The following CTNNA1 variants were observed in gnomAD, a reference collection of about 807,000 sequenced individuals.
CTNNA1 encodes the protein catenin alpha-1.
In CTNNA1, 37 loss-of-function variants were observed where a neutral mutation model predicts 98.4. That is an observed-to-expected ratio of 0.38 (90% CI 0.29 to 0.49). The LOEUF (loss-of-function observed/expected upper bound fraction) is 0.49, where lower values mean the gene tolerates loss of function less well. Among genes scored for constraint, CTNNA1 ranks in the 20% least tolerant of loss-of-function variants. The pLI is 0.95. For synonymous variants in CTNNA1, 404 were observed against 413.2 expected (o/e 0.98, Z 0.27); for missense variants, 761 against 1,147.2 (o/e 0.66, Z 4.86).
At chr5:138,881,138 G>T in intron 7 of CTNNA1, 2 of 456,052 alleles carry the variant, frequency 4.4e-6, no homozygotes. Flanking sequence ...GAGCAGTGAG[G>T]TAAGACTGTC....
At chr5:138,783,674 C>T (rs1224381760) in intron 3 of CTNNA1, among the ~76,000 whole-genome samples, 1 of 152,136 alleles carries the variant, frequency 6.6e-6, no homozygotes, top group Non-Finnish European at 1.5e-5. Context: ...TTGGGTATTT[C>T]AAGTAATAGT....
At chr5:138,799,838 ATAAAT>A (rs1451717977) in intron 3 of CTNNA1, among the ~76,000 whole-genome samples, 2 of 150,984 alleles carry the variant, frequency 1.3e-5, no homozygotes, top group African/African-American at 2.4e-5. Context: ...GTGAGCTAAA[ATAAAT>A]TAGAGTAGAT....
At chr5:138,910,430 G>A (rs1760354745) in intron 10 of CTNNA1, among the ~76,000 whole-genome samples, 1 of 151,382 alleles carries the variant, frequency 6.6e-6, no homozygotes, top group African/African-American at 2.4e-5. Context: ...TAATTCTTGA[G>A]TGAGCTTTGG....
chr5:138,893,725 G>A (rs570432557), intron 9 of CTNNA1, among the ~76,000 whole-genome samples: 1 of 151,450 alleles, frequency 6.6e-6, no homozygotes, highest in Admixed American at 6.6e-5. Context: ...CCAGATTCAA[G>A]TGATTCTCCT....
intron 5 of CTNNA1, among the ~76,000 whole-genome samples, chr5:138,814,799 G>A (rs1014977219): frequency 2.6e-5 from 4 of 151,506 alleles, no homozygotes; most frequent in African/African-American, 7.3e-5. Flanking sequence ...TGTCGCCCAC[G>A]CTGGAGTGCA....
At chr5:138,753,576 G>C in intron 1 of CTNNA1, 66 bp downstream of exon 1, 1 of 364,028 alleles carries the variant, frequency 2.7e-6, no homozygotes, top group Non-Finnish European at 4.9e-6. Context: ...TCCTTGGGCC[G>C]GGCCGTCCCA....
At chr5:138,869,136 G>T (rs1765090251) in intron 7 of CTNNA1, 1 of 144,244 alleles carries the variant, frequency 6.9e-6, no homozygotes, top group Non-Finnish European at 1.5e-5. Context: ...TCTCAGTGTT[G>T]ATAGGAAGGT....
chr5:138,796,868 A>G (rs1240609897), intron 3 of CTNNA1, among the ~76,000 whole-genome samples: 1 of 152,234 alleles, frequency 6.6e-6, no homozygotes, highest in Admixed American at 6.5e-5. Flanking sequence ...TTGGCAGTTG[A>G]TAACAAACAA....
chr5:138,756,262 C>T (rs1023095793), intron 1 of CTNNA1, among the ~76,000 whole-genome samples: 2 of 151,980 alleles, frequency 1.3e-5, no homozygotes, highest in South Asian at 4.2e-4. Context: ...GTCTCAAACT[C>T]CTGACCTCGT....
chr5:138,912,836 A>C (rs538585159), intron 10 of CTNNA1, among the ~76,000 whole-genome samples: 15 of 152,188 alleles, frequency 9.9e-5, no homozygotes, highest in Non-Finnish European at 1.9e-4. Flanking sequence ...TAAGTGGTCC[A>C]TTCCTGTCCC....
At chr5:138,918,840 G>C (rs1173424252) in intron 11 of CTNNA1, among the ~76,000 whole-genome samples, 1 of 152,194 alleles carries the variant, frequency 6.6e-6, no homozygotes, top group African/African-American at 2.4e-5. Flanking sequence ...GAAACTACCT[G>C]TCACCCCAGG....
At chr5:138,884,955 G>A (rs993224859) in intron 7 of CTNNA1, among the ~76,000 whole-genome samples, 1 of 152,096 alleles carries the variant, frequency 6.6e-6, no homozygotes, top group Non-Finnish European at 1.5e-5. Context: ...AGAGTGCTAG[G>A]GGGAAAGGCT....
intron 9 of CTNNA1, among the ~76,000 whole-genome samples, chr5:138,891,691 G>A (rs1352887925): frequency 1.3e-5 from 2 of 152,156 alleles, no homozygotes; most frequent in Non-Finnish European, 2.9e-5. Flanking sequence ...CCCAGGAGGT[G>A]GAGGTTGCAG....
intron 9 of CTNNA1, among the ~76,000 whole-genome samples, chr5:138,900,961 G>A (rs1757901525): frequency 6.6e-6 from 1 of 152,190 alleles, no homozygotes; most frequent in African/African-American, 2.4e-5. Flanking sequence ...TCTTCGAATA[G>A]TGGGAATCAG....
intron 3 of CTNNA1, among the ~76,000 whole-genome samples, chr5:138,792,198 A>ATGTATG (rs563634070): frequency 3.9e-5 from 6 of 152,216 alleles, no homozygotes; most frequent in Non-Finnish European, 8.8e-5. Context: ...GTGTACACAC[A>ATGTATG]TGTATGTGTA....
chr5:138,785,647 A>G (rs1439507122), intron 3 of CTNNA1, among the ~76,000 whole-genome samples: 2 of 150,894 alleles, frequency 1.3e-5, no homozygotes, highest in Admixed American at 6.6e-5. Flanking sequence ...CGCAACCTCC[A>G]CCTCCTGGGT....
intron 9 of CTNNA1, among the ~76,000 whole-genome samples, chr5:138,894,006 C>T (rs1756123590): frequency 6.6e-6 from 1 of 152,104 alleles, no homozygotes; most frequent in African/African-American, 2.4e-5. Flanking sequence ...CAGGCTTCGC[C>T]TCCCGGTTCA....
chr5:138,904,515 G>A, intron 10 of CTNNA1, 74 bp downstream of exon 10: 1 of 1,548,914 alleles, frequency 6.5e-7, no homozygotes, highest in African/African-American at 1.4e-5. Context: ...GGTTTATTTT[G>A]TTAAGTTTTG....
At chr5:138,888,081 C>T (rs1754479590) in intron 9 of CTNNA1, among the ~76,000 whole-genome samples, 1 of 152,080 alleles carries the variant, frequency 6.6e-6, no homozygotes, top group African/African-American at 2.4e-5. Flanking sequence ...ATTTTGAGGA[C>T]CTAAAAAGAT....
Sources: allele counts gnomAD v4.1 joint callset (sites outside exome capture counted in the v4.1 genomes callset), GRCh38; gene constraint gnomAD v4.1.1; transcripts MANE v1.5; gene names NCBI Gene and HGNC (gene_info 2026-07-23, HGNC 2026-07-21).